The following DLEU7 variants were observed in gnomAD, a reference collection of about 807,000 sequenced individuals.
DLEU7 encodes leukemia-associated protein 7.
DLEU7 carries 17 observed loss-of-function variants against 16.0 expected under a neutral mutation model. That is an observed-to-expected ratio of 1.06 (90% confidence interval 0.73 to 1.59). DLEU7 has a LOEUF of 1.59. Ranked by LOEUF, DLEU7 falls within the 40% of genes most tolerant of loss-of-function variation. The pLI is 0.00. For missense variants in DLEU7, 308 were observed against 314.9 expected (o/e 0.98, Z 0.17); for synonymous variants, 113 against 139.8 (o/e 0.81, Z 1.35).
chr13:50,791,952 A>G (rs1875971066), intron 1 of DLEU7, among the ~76,000 whole-genome samples: 1 of 152,184 alleles, frequency 6.6e-6, no homozygotes, highest in Non-Finnish European at 1.5e-5. Context: ...CTTTCCTTCC[A>G]AGCTGAAAAC....
chr13:50,819,664 G>A (rs530514416), downstream of DLEU7, among the ~76,000 whole-genome samples: 3 of 152,218 alleles, frequency 2.0e-5, no homozygotes, highest in South Asian at 4.1e-4. Flanking sequence ...CAAGGATGTC[G>A]CTAATGTTTT....
Position 50,776,623 on chromosome 13 carries a change from T to C in DLEU7, c.460-63383A>G, listed in dbSNP as rs28550425. Among the ~76,000 whole-genome samples the C allele has an allele frequency of 6.7e-3, 1,018 of 152,298 alleles. 9 individuals carry two copies. The highest frequency in any genetic ancestry group is 0.023 in the African/African-American group (950 of 41,566). ...ATTATAACCCAAGTCTCTTGGTCAC[T>C]AAGACAGGAAACTACCTCACCCCCA... On this transcript the variant is annotated intron_variant, in intron 1 of 1. Transcript: ENST00000400393.
chr13:50,797,745 A>G (rs756014444), intron 1 of DLEU7, among the ~76,000 whole-genome samples: 47 of 152,142 alleles, frequency 3.1e-4, no homozygotes, highest in Admixed American at 4.6e-4. Flanking sequence ...GAGTACACTG[A>G]ATATCCCTTT....
rs142828625 is a variant in DLEU7, at chr13:50,752,503, C to T, written c.460-39263G>A. Among the ~76,000 whole-genome samples, 1,171 of 152,134 alleles carry T rather than the reference C, an allele frequency of 7.7e-3. 6 individuals carry two copies. The highest frequency in any genetic ancestry group is 0.026 in the African/African-American group (1,072 of 41,448). On this transcript the variant is annotated intron_variant, in intron 1 of 1. Transcript: ENST00000400393. The stretch of plus-strand genomic sequence containing the variant: ...CTTCAAGAATGAAGCCGTGGACCCT[C>T]GCGGTGAGTGTTACAGTTCTTAAAG...
In DLEU7 at chr13:50,843,157, C is replaced by G; in HGVS notation, c.459+31G>C. 6.4e-7 allele frequency: 1 copy of G among 1,572,076 alleles called. No homozygotes were observed. The highest frequency in any genetic ancestry group is 8.6e-7 in the Non-Finnish European group (1 of 1,161,104). The stretch of plus-strand genomic sequence containing the variant: ...TTGGAGGATGGGAGGTTACCCTGCA[C>G]GCCAGAGGGGATGGCGGGGGCCAGA... On this transcript the variant is annotated intron_variant, in intron 1 of 1. Coordinates refer to ENST00000504404, the MANE Select transcript of DLEU7 (RefSeq NM_001306135.2). This position sits in a 1 kb window ranked among gnomAD's most constrained non-coding sequence, Gnocchi z 5.7.
intron 1 of DLEU7, among the ~76,000 whole-genome samples, chr13:50,842,306 T>A (rs1483811774): frequency 2.0e-5 from 3 of 152,074 alleles, no homozygotes; most frequent in Non-Finnish European, 4.4e-5. Context: ...TCATCACCCC[T>A]CCCCAACTCC....
At chr13:50,719,624 T>TTTTTTTTTTTTTTTTTTTTTTTTTTTG (rs1873537536) in intron 1 of DLEU7, 1 of 152,056 alleles carries the variant, frequency 6.6e-6, no homozygotes, top group Admixed American at 6.6e-5. Context: ...ACAACTGTTT[T>TTTTTTTTTTTTTTTTTTTTTTTTTTTG]AAAATCTCTT....
intron 1 of DLEU7, among the ~76,000 whole-genome samples, chr13:50,746,487 A>G (rs1410229270): frequency 1.3e-5 from 2 of 152,236 alleles, no homozygotes; most frequent in African/African-American, 4.8e-5. Context: ...GTAAGCTATC[A>G]AAATTCAGTC....
intron 1 of DLEU7, among the ~76,000 whole-genome samples, chr13:50,835,416 T>C (rs941854167): frequency 1.1e-4 from 16 of 152,314 alleles, no homozygotes; most frequent in Admixed American, 9.1e-4. Context: ...TGCCTACAAG[T>C]GAATCGTTTC....
intron 1 of DLEU7, among the ~76,000 whole-genome samples, chr13:50,739,272 A>G (rs2812251): frequency 0.12 from 17,663 of 151,938 alleles, 1,169 homozygotes; most frequent in African/African-American, 0.19. Flanking sequence ...TTACTATACC[A>G]CTTCTGTGTA....
chr13:50,828,243 CAT>C (rs1371133681), intron 1 of DLEU7, among the ~76,000 whole-genome samples: 28 of 152,128 alleles, frequency 1.8e-4, no homozygotes, highest in Admixed American at 7.9e-4. Context: ...TATTGTCAAA[CAT>C]ATGTGGACTA....
intron 1 of DLEU7, among the ~76,000 whole-genome samples, chr13:50,811,370 A>G (rs559321662): frequency 6.6e-6 from 1 of 152,230 alleles, no homozygotes; most frequent in African/African-American, 2.4e-5. Flanking sequence ...ACTTCTTACA[A>G]GGAGTCCTCA....
At position 50,837,615 on chromosome 13, in the gene DLEU7, T is replaced by C. The variant is rs561662886; in HGVS notation, c.459+5573A>G. Among the ~76,000 whole-genome samples, 18 of 152,332 alleles carry C rather than the reference T, an allele frequency of 1.2e-4. 1 individual carries two copies. The highest frequency in any genetic ancestry group is 3.4e-3 in the Middle Eastern group (1 of 294). On this transcript the variant is annotated intron_variant, in intron 1 of 1. Transcript: ENST00000504404. ...CCACCTTGGCTATGGCTACTGATTA[T>C]ATAACCGTGAGCATTTATGTCTTCA...
At chr13:50,720,132 G>A (rs1392372565) in intron 1 of DLEU7, among the ~76,000 whole-genome samples, 1 of 152,210 alleles carries the variant, frequency 6.6e-6, no homozygotes. Flanking sequence ...TCCTGGGCAT[G>A]CTCTCACAGT....
chr13:50,812,540 C>T (rs984430893), intron 1 of DLEU7, among the ~76,000 whole-genome samples: 4 of 152,128 alleles, frequency 2.6e-5, no homozygotes, highest in African/African-American at 9.6e-5. Flanking sequence ...AAAACTAAGC[C>T]CAAGAAAAGC....
chr13:50,735,773 C>A lies in DLEU7; in HGVS notation c.460-22533G>T, dbSNP rs1347087539. Among the ~76,000 whole-genome samples, 3 of 152,214 alleles carry A rather than the reference C, an allele frequency of 2.0e-5. No individual in the cohort carries two copies. In the East Asian group the frequency reaches 5.8e-4, roughly 29 times the overall value. On this transcript the variant is annotated intron_variant, in intron 1 of 1. Transcript: ENST00000400393. ...ATGAAAAAAGCTCAATATCACCAAT[C>A]GTTAGAGAAACGAAAATCAAAACTA...
chr13:50,774,148 C>A (rs1391023175), intron 1 of DLEU7, among the ~76,000 whole-genome samples: 1 of 152,116 alleles, frequency 6.6e-6, no homozygotes, highest in Non-Finnish European at 1.5e-5. Flanking sequence ...GCTGGAGTGA[C>A]CTGATTTTCC....
At chr13:50,837,755 T>C (rs532924691) in intron 1 of DLEU7, among the ~76,000 whole-genome samples, 1 of 152,252 alleles carries the variant, frequency 6.6e-6, no homozygotes, top group African/African-American at 2.4e-5. Flanking sequence ...GAAAAAGATT[T>C]GATTATTATT....
chr13:50,718,936 G>A (rs190748865), intron 1 of DLEU7, among the ~76,000 whole-genome samples: 5 of 152,282 alleles, frequency 3.3e-5, no homozygotes, highest in African/African-American at 9.6e-5. Context: ...TATAAAATAG[G>A]AAGGGTTTTC....
Sources: gnomAD v4.1 joint callset for allele counts (sites outside exome capture counted in the v4.1 genomes callset) on GRCh38, gnomAD v4.1.1 for gene constraint, Gnocchi (gnomAD v3.1) non-coding constraint, MANE v1.5 for transcripts, NCBI Gene and HGNC (gene_info 2026-07-23, HGNC 2026-07-21) for gene names.